PCDH15: variants seen among roughly 807,000 people sequenced by gnomAD.
PCDH15 encodes protocadherin-15.
In PCDH15, 129 loss-of-function variants were observed where a neutral mutation model predicts 178.5. The observed-to-expected ratio is 0.72, with a 90% CI of 0.63 to 0.84. The LOEUF (loss-of-function observed/expected upper bound fraction) is 0.84. PCDH15 is among the 40% of genes least tolerant of loss of function. The pLI is 0.00. For missense variants in PCDH15, 2,230 were observed against 2,099.9 expected (o/e 1.06, Z -1.21); for synonymous variants, 800 against 732.0 (o/e 1.09, Z -1.50).
chr10:55,011,311 T>C (rs989651576), intron 2 of PCDH15, among the ~76,000 whole-genome samples: 12 of 152,180 alleles, frequency 7.9e-5, no homozygotes, highest in Non-Finnish European at 1.5e-4. Context: ...CTATCAGTGC[T>C]TCTATTTCTG....
At chr10:55,077,506 C>T (rs1841936767) in intron 2 of PCDH15, among the ~76,000 whole-genome samples, 1 of 147,696 alleles carries the variant, frequency 6.8e-6, no homozygotes, top group Non-Finnish European at 1.5e-5. Flanking sequence ...TCCTTTCCTT[C>T]CTTCCTTCCT....
rs1273806499 is a variant in PCDH15 at position 54,243,856 on chromosome 10, T to TA, written c.877-6926dup. Among the ~76,000 whole-genome samples the TA allele has an allele frequency of 2.6e-5, 4 of 152,182 alleles. No individual in the cohort carries two copies. The East Asian group carries it at 7.7e-4, about 29-fold the overall frequency. On this transcript the variant is annotated intron_variant, in intron 8 of 37. Transcript: ENST00000644397. ...AATAGTAACGAATTGGGGTGAGTAG[T>TA]ATGGGCCAAGCCAATTACTTTGAAC... is the stretch of plus-strand genomic sequence containing the variant.
At chr10:55,066,584 T>A (rs1841569570) in intron 2 of PCDH15, among the ~76,000 whole-genome samples, 1 of 150,028 alleles carries the variant, frequency 6.7e-6, no homozygotes, top group Non-Finnish European at 1.5e-5. Flanking sequence ...GTCTTGGGAT[T>A]GATTTATTTT....
intron 1 of PCDH15, among the ~76,000 whole-genome samples, chr10:55,193,415 A>G (rs1457045643): frequency 6.6e-6 from 1 of 151,980 alleles, no homozygotes; most frequent in African/African-American, 2.4e-5. Flanking sequence ...TTAGAAAAAT[A>G]CATATGCAAT....
At chr10:54,538,563 T>C (rs960462844) in intron 2 of PCDH15, among the ~76,000 whole-genome samples, 1 of 152,172 alleles carries the variant, frequency 6.6e-6, no homozygotes, top group African/African-American at 2.4e-5. Flanking sequence ...CTTAGGATTG[T>C]GCTTTGGTTT....
intron 2 of PCDH15, among the ~76,000 whole-genome samples, chr10:54,650,683 C>T (rs117063531): frequency 2.0e-5 from 3 of 152,148 alleles, no homozygotes; most frequent in Admixed American, 6.5e-5. Context: ...GCCTCACAAT[C>T]GTGGTGGAAG....
At chr10:53,907,717 T>A (rs574027701) in intron 25 of PCDH15, among the ~76,000 whole-genome samples, 132 of 152,280 alleles carry the variant, frequency 8.7e-4, no homozygotes, top group African/African-American at 2.9e-3. Flanking sequence ...TCTTGCAATG[T>A]TTTAAAGAAA....
At chr10:54,542,746 T>C (rs2085386399) in intron 2 of PCDH15, among the ~76,000 whole-genome samples, 1 of 151,900 alleles carries the variant, frequency 6.6e-6, no homozygotes, top group Admixed American at 6.6e-5. Flanking sequence ...TTAAATGACA[T>C]GGAAGGGGGA....
intron 8 of PCDH15, among the ~76,000 whole-genome samples, chr10:54,274,044 C>A (rs1290637110): frequency 6.6e-6 from 1 of 151,956 alleles, no homozygotes; most frequent in Non-Finnish European, 1.5e-5. Flanking sequence ...AAAAGAAGAC[C>A]AAACACTGCA....
chr10:54,777,355 G>T (rs1949822405), intron 1 of PCDH15, among the ~76,000 whole-genome samples: 1 of 152,148 alleles, frequency 6.6e-6, no homozygotes, highest in Admixed American at 6.5e-5. Flanking sequence ...CACTAAAAAT[G>T]AGTTGACGTT....
chr10:54,600,426 C>A (rs1590393120), intron 2 of PCDH15: 1 of 575,820 alleles, frequency 1.7e-6, no homozygotes, highest in East Asian at 4.5e-5. Context: ...ACATTGTCAC[C>A]AATGACCTAG....
At chr10:53,823,334 T>G (rs780743361) in intron 32 of PCDH15, 2 of 1,613,820 alleles carry the variant, frequency 1.2e-6, no homozygotes, top group South Asian at 2.2e-5. Context: ...CCCTGCTTTG[T>G]TGAAAATGGT....
chr10:53,874,784 A>G (rs1164750746), intron 26 of PCDH15, among the ~76,000 whole-genome samples: 1 of 152,216 alleles, frequency 6.6e-6, no homozygotes, highest in East Asian at 1.9e-4. Context: ...AAATATTTGA[A>G]TTAGTAGACA....
intron 1 of PCDH15, among the ~76,000 whole-genome samples, chr10:54,755,621 T>C (rs1020019074): frequency 1.3e-5 from 2 of 152,104 alleles, no homozygotes; most frequent in Non-Finnish European, 2.9e-5. Context: ...ATAAAGATAC[T>C]AGAGATCTTT....
At chr10:54,604,999 A>G (rs2134144784) in intron 2 of PCDH15, among the ~76,000 whole-genome samples, 1 of 152,016 alleles carries the variant, frequency 6.6e-6, no homozygotes, top group East Asian at 1.9e-4. Flanking sequence ...ATAATAATCT[A>G]AAACTGATAA....
At chr10:54,059,886 T>C (rs975476164) in intron 18 of PCDH15, among the ~76,000 whole-genome samples, 5 of 152,228 alleles carry the variant, frequency 3.3e-5, no homozygotes, top group Non-Finnish European at 5.9e-5. Flanking sequence ...CGTGGCACAT[T>C]GTAAGAATTC....
intron 1 of PCDH15, among the ~76,000 whole-genome samples, chr10:55,301,589 T>C (rs1412932163): frequency 6.6e-6 from 1 of 152,100 alleles, no homozygotes; most frequent in Non-Finnish European, 1.5e-5. Flanking sequence ...CAGCAAAACT[T>C]TTAATCTTGA....
rs148558670 is a variant in PCDH15 at position 54,534,872 on chromosome 10, C to T, written c.92-6995G>A. Among the ~76,000 whole-genome samples the T allele has an allele frequency of 5.2e-3, 794 of 152,282 alleles. 9 individuals carry two copies. The highest frequency in any genetic ancestry group is 0.019 in the African/African-American group (772 of 41,554). ...CTTAAGACAGATACTACTTATTTTA[C>T]ATTTTGACTGCTTCATCCAAAAGAA... On this transcript the variant is annotated intron_variant, in intron 2 of 37. Transcript: ENST00000644397.
chr10:54,665,393 C>A (rs779636790), intron 1 of PCDH15, among the ~76,000 whole-genome samples: 13 of 151,972 alleles, frequency 8.6e-5, no homozygotes, highest in Non-Finnish European at 1.5e-4. Flanking sequence ...ATGCTTCTAG[C>A]AGGTAATATT....
Sources: gnomAD v4.1 joint callset for allele counts (sites outside exome capture counted in the v4.1 genomes callset) on GRCh38, gnomAD v4.1.1 for gene constraint, MANE v1.5 for transcripts, NCBI Gene and HGNC (gene_info 2026-07-23, HGNC 2026-07-21) for gene names.